GPATCH2: variants seen among roughly 807,000 people sequenced by gnomAD.
GPATCH2 encodes the protein G patch domain-containing protein 2.
In GPATCH2, 51 loss-of-function variants were observed where a neutral mutation model predicts 58.0. That is an observed-to-expected ratio of 0.88 (90% CI 0.70 to 1.11). GPATCH2 has a LOEUF of 1.11. Ranked by LOEUF, GPATCH2 falls within the 50% of genes most tolerant of loss-of-function variation. The probability of loss-of-function intolerance (pLI) is 0.00; values close to 1 mark genes in which losing one functional copy is unlikely to be tolerated. For synonymous variants in GPATCH2, 222 were observed against 218.5 expected, an observed-to-expected ratio of 1.02 and a Z score of -0.14; for missense variants, 625 against 652.2, an observed-to-expected ratio of 0.96 and a Z score of 0.45.
intron 9 of GPATCH2, among the ~76,000 whole-genome samples, chr1:217,445,814 A>C (rs1234675664): frequency 6.6e-6 from 1 of 152,180 alleles, no homozygotes; most frequent in Non-Finnish European, 1.5e-5. Flanking sequence ...GCGCTTTCTA[A>C]AGCGACTGAA....
chr1:217,630,845 G>C (rs1190055859), intron 1 of GPATCH2, 71 bp downstream of exon 1: 4 of 1,120,750 alleles, frequency 3.6e-6, no homozygotes, highest in African/African-American at 1.5e-5. Context: ...CTCCATTCCA[G>C]GTCCAGCGGA....
chr1:217,575,611 C>T (rs1257141532), intron 5 of GPATCH2, among the ~76,000 whole-genome samples: 2 of 152,070 alleles, frequency 1.3e-5, no homozygotes, highest in African/African-American at 4.8e-5. Context: ...AAATAAATGG[C>T]AGTACCAGAA....
intron 5 of GPATCH2, among the ~76,000 whole-genome samples, chr1:217,575,701 A>G (rs2102729555): frequency 6.6e-6 from 1 of 152,294 alleles, no homozygotes; most frequent in African/African-American, 2.4e-5. Flanking sequence ...AAACAAACAA[A>G]TATCTGTGTA....
chr1:217,599,130 G>A (rs1667993896), intron 5 of GPATCH2, among the ~76,000 whole-genome samples: 1 of 152,080 alleles, frequency 6.6e-6, no homozygotes, highest in Non-Finnish European at 1.5e-5. Context: ...AGAAAGAGTG[G>A]GGGCACTGAG....
chr1:217,469,917 T>A (rs1011512141), intron 8 of GPATCH2, among the ~76,000 whole-genome samples: 3 of 152,190 alleles, frequency 2.0e-5, no homozygotes, highest in Non-Finnish European at 4.4e-5. Flanking sequence ...ATTTCTACAG[T>A]GATTCTCTTA....
chr1:217,525,022 A>G (rs1663813371), intron 5 of GPATCH2, among the ~76,000 whole-genome samples: 1 of 146,808 alleles, frequency 6.8e-6, no homozygotes, highest in African/African-American at 2.5e-5. Context: ...TTATTTATCT[A>G]TTTAAATATA....
chr1:217,485,273 C>T (rs187047825), intron 8 of GPATCH2, among the ~76,000 whole-genome samples: 36 of 152,212 alleles, frequency 2.4e-4, no homozygotes, highest in African/African-American at 8.4e-4. Context: ...TTGTATGATG[C>T]CCATCTGCAT....
intron 5 of GPATCH2, among the ~76,000 whole-genome samples, chr1:217,569,561 G>T (rs955564521): frequency 6.6e-6 from 1 of 152,078 alleles, no homozygotes; most frequent in East Asian, 1.9e-4. Context: ...TAGGTGTGGT[G>T]GCATGCACCT....
chr1:217,438,879 T>C (rs1451266869), intron 9 of GPATCH2, among the ~76,000 whole-genome samples: 2 of 152,130 alleles, frequency 1.3e-5, no homozygotes, highest in African/African-American at 2.4e-5. Flanking sequence ...ACGCAAGTTC[T>C]TAGAGACCTA....
chr1:217,613,705 T>C (rs1174597933), intron 3 of GPATCH2, among the ~76,000 whole-genome samples: 1 of 152,146 alleles, frequency 6.6e-6, no homozygotes, highest in African/African-American at 2.4e-5. Context: ...AATCATCTAA[T>C]TACTTACAAA....
At chr1:217,497,492 C>T (rs1292524242) in intron 7 of GPATCH2, among the ~76,000 whole-genome samples, 1 of 152,062 alleles carries the variant, frequency 6.6e-6, no homozygotes, top group Non-Finnish European at 1.5e-5. Flanking sequence ...GTGTGTAGCA[C>T]CTTCCTTTTA....
chr1:217,494,549 G>A (rs1185880839), intron 7 of GPATCH2, among the ~76,000 whole-genome samples: 2 of 152,138 alleles, frequency 1.3e-5, no homozygotes, highest in African/African-American at 4.8e-5. Flanking sequence ...AACCAGCCTG[G>A]CCAACATAGC....
chr1:217,507,502 A>C (rs1297257688), intron 6 of GPATCH2, among the ~76,000 whole-genome samples: 5 of 152,174 alleles, frequency 3.3e-5, no homozygotes, highest in Non-Finnish European at 5.9e-5. Context: ...AATTCTGACA[A>C]ATTATTTTAT....
At chr1:217,445,650 A>C (rs1659355630) in intron 9 of GPATCH2, among the ~76,000 whole-genome samples, 1 of 152,150 alleles carries the variant, frequency 6.6e-6, no homozygotes, top group African/African-American at 2.4e-5. Flanking sequence ...ATACATTAAA[A>C]AAATCAATAT....
chr1:217,564,030 G>A (rs1666067734), intron 5 of GPATCH2, among the ~76,000 whole-genome samples: 1 of 74,682 alleles, frequency 1.3e-5, no homozygotes, highest in South Asian at 5.0e-4. Flanking sequence ...CGCAACAACA[G>A]CAAAACTCCG....
At chr1:217,537,553 C>T (rs1225483720) in intron 5 of GPATCH2, among the ~76,000 whole-genome samples, 1 of 152,070 alleles carries the variant, frequency 6.6e-6, no homozygotes, top group Non-Finnish European at 1.5e-5. Context: ...TATCACTGTC[C>T]TGATGCTACT....
chr1:217,463,806 T>G (rs1660314993), intron 8 of GPATCH2, among the ~76,000 whole-genome samples: 2 of 152,074 alleles, frequency 1.3e-5, no homozygotes, highest in Non-Finnish European at 2.9e-5. Flanking sequence ...ATTCTGGTTA[T>G]GATGTGGAGA....
At chr1:217,611,189 A>C in intron 3 of GPATCH2, 118 bp from the exon 4 acceptor site, 6 of 877,144 alleles carry the variant, frequency 6.8e-6, no homozygotes, top group Non-Finnish European at 1.0e-5. Flanking sequence ...ATTTGAGATC[A>C]ATGACTAACT....
At chr1:217,473,229 T>C (rs963155376) in intron 8 of GPATCH2, among the ~76,000 whole-genome samples, 1 of 152,008 alleles carries the variant, frequency 6.6e-6, no homozygotes, top group Non-Finnish European at 1.5e-5. Flanking sequence ...TAGACATCAC[T>C]AGTATTTCTG....
Sources: allele counts gnomAD v4.1 joint callset (sites outside exome capture counted in the v4.1 genomes callset), GRCh38; gene constraint gnomAD v4.1.1; transcripts MANE v1.5; gene names NCBI Gene and HGNC (gene_info 2026-07-23, HGNC 2026-07-21).